EYA3: variants seen among roughly 807,000 people sequenced by gnomAD.
EYA3 encodes the protein protein phosphatase EYA3.
EYA3 carries 39 observed loss-of-function variants against 80.0 expected under a neutral mutation model. The observed-to-expected ratio is 0.49, with a 90% confidence interval of 0.38 to 0.64. The LOEUF (loss-of-function observed/expected upper bound fraction) is 0.64, where lower values mean the gene tolerates loss of function less well. Ranked by LOEUF, EYA3 falls within the 30% of genes least tolerant of loss-of-function variation. The pLI is 0.00. For synonymous variants in EYA3, 206 were observed against 232.8 expected (o/e 0.88, Z 1.05); for missense variants, 523 against 676.1 (o/e 0.77, Z 2.51).
In EYA3 at chr1:28,050,197, TTATTA is replaced by T. The variant is rs1644190023; in HGVS notation, c.34-1776_34-1772del. On this transcript the variant is annotated intron_variant, in intron 2 of 17. Coordinates refer to ENST00000373871, the MANE Select transcript of EYA3 (RefSeq NM_001990.4). The stretch of plus-strand genomic sequence containing the variant: ...TTATTTATTATTATTATTATTATTA[TTATTA>T]TTTTTTTTGAGACAGGGTCTTGTTC... Among the ~76,000 whole-genome samples the T allele has an allele frequency of 2.1e-4, 29 of 140,686 alleles. No individual in the cohort carries two copies. The South Asian group carries it at 5.5e-3, about 27-fold the overall frequency. 92.3% of individuals were successfully genotyped at this position (140,686 alleles called of 152,430 possible). A position where few individuals can be genotyped will look rare whatever the true frequency, so the allele number is the denominator to read the frequency against.
chr1:28,059,587 G>T (rs571767689), intron 1 of EYA3, among the ~76,000 whole-genome samples: 53 of 152,128 alleles, frequency 3.5e-4, no homozygotes, highest in African/African-American at 1.2e-3. Context: ...TTCTTTAAGG[G>T]ACAATCCTTT....
intron 4 of EYA3, among the ~76,000 whole-genome samples, chr1:28,039,308 T>G (rs929207319): frequency 6.6e-6 from 1 of 152,210 alleles, no homozygotes; most frequent in African/African-American, 2.4e-5. Context: ...CTATATTGAG[T>G]AAAAGCCTTA....
chr1:27,974,441 A>G lies in EYA3; in HGVS notation c.*25T>C, dbSNP rs1232679460. On this transcript the variant is annotated 3_prime_UTR_variant, in exon 18 of 18. Coordinates refer to ENST00000373871, the MANE Select transcript of EYA3 (RefSeq NM_001990.4). ...CCCTTCAGGAGTGAAAAGGAGCTCA[A>G]GGGGAAGGCTCCTCATTCCAGTTCT... 1 of 1,595,090 alleles carries G rather than the reference A, an allele frequency of 6.3e-7. No individual in the cohort carries two copies. Among genetic ancestry groups the G allele is most frequent in the African/African-American group, 1.3e-5 (1 of 74,412 alleles).
intron 16 of EYA3, among the ~76,000 whole-genome samples, chr1:27,980,996 T>C (rs529684306): frequency 6.6e-5 from 10 of 152,238 alleles, no homozygotes; most frequent in African/African-American, 2.2e-4. Flanking sequence ...TGGGCTATAA[T>C]CGTGCCACTG....
At chr1:28,069,550 A>T (rs1644948335) in intron 1 of EYA3, among the ~76,000 whole-genome samples, 2 of 62,696 alleles carry the variant, frequency 3.2e-5, no homozygotes, top group South Asian at 4.9e-4. Flanking sequence ...AATCTATTTA[A>T]AAAAAAAAAA....
Position 28,017,724 on chromosome 1 carries a change from C to T in EYA3, c.500-485G>A, listed in dbSNP as rs185558184. On this transcript the variant is annotated intron_variant, in intron 7 of 17. Coordinates refer to ENST00000373871, the MANE Select transcript of EYA3 (RefSeq NM_001990.4). ...AGAAATAGAGCTGGTCCTCCAAATTCCAAAGCATTTAGAATTGCTTCTTGA... is the reference window on the plus strand; with the variant it reads ...AGAAATAGAGCTGGTCCTCCAAATTTCAAAGCATTTAGAATTGCTTCTTGA... Among the ~76,000 whole-genome samples the T allele has an allele frequency of 1.5e-3, 229 of 152,248 alleles. 1 individual carries two copies. The highest frequency in any genetic ancestry group is 2.9e-3 in the Non-Finnish European group (199 of 68,020).
At chr1:28,003,318 A>C (rs1049583110) in intron 11 of EYA3, among the ~76,000 whole-genome samples, 55 of 145,892 alleles carry the variant, frequency 3.8e-4, no homozygotes, top group African/African-American at 8.4e-4. Context: ...ACAACAACAA[A>C]ATTAGCCAGG....
intron 10 of EYA3, among the ~76,000 whole-genome samples, chr1:28,007,610 G>A (rs1169791343): frequency 6.6e-6 from 1 of 152,110 alleles, no homozygotes; most frequent in Non-Finnish European, 1.5e-5. Flanking sequence ...TGGGATTACA[G>A]ACTGAGCCAC....
In EYA3 at chr1:27,970,387, T is replaced by A. The variant is rs1192756583; in HGVS notation, c.*4079A>T. The A allele has an allele frequency of 6.6e-6, 1 of 152,234 alleles. No individual in the cohort carries two copies. Among genetic ancestry groups the A allele is most frequent in the Non-Finnish European group, 1.5e-5 (1 of 68,046 alleles). 9.4% of individuals were successfully genotyped at this position (152,234 alleles called of 1,614,324 possible). ...TATTTTTTTCAAGTTTATAAGATAG[T>A]TCCCATTACATATAACATTACGGTC... On this transcript the variant is annotated 3_prime_UTR_variant, in exon 18 of 18. Coordinates refer to ENST00000373871, the MANE Select transcript of EYA3 (RefSeq NM_001990.4).
chr1:27,988,177 T>G (rs1639796996), intron 16 of EYA3, among the ~76,000 whole-genome samples: 1 of 152,212 alleles, frequency 6.6e-6, no homozygotes, highest in Non-Finnish European at 1.5e-5. Context: ...GCCACCATTT[T>G]TAGGTATATA....
intron 16 of EYA3, among the ~76,000 whole-genome samples, chr1:27,983,691 C>T (rs1185967707): frequency 3.3e-5 from 5 of 152,110 alleles, no homozygotes; most frequent in Non-Finnish European, 7.4e-5. Flanking sequence ...GAGTTTCGCT[C>T]GTTGCCCAGG....
intron 1 of EYA3, among the ~76,000 whole-genome samples, chr1:28,060,459 G>A (rs1429782508): frequency 6.6e-6 from 1 of 152,096 alleles, no homozygotes; most frequent in Non-Finnish European, 1.5e-5. Flanking sequence ...ATCAATAAAT[G>A]TTAAAATATT....
At chr1:28,012,996 C>A (rs1355628472) in intron 9 of EYA3, 115 bp downstream of exon 9, 4 of 1,176,398 alleles carry the variant, frequency 3.4e-6, no homozygotes, top group Non-Finnish European at 4.8e-6. Flanking sequence ...AGAGGGAAAG[C>A]CAAAAGCATG....
Position 27,974,249 on chromosome 1 carries a change from T to G in EYA3, c.*217A>C. ...TGATTGTGTTCTCGCCAGCATTCCA[T>G]GGATAAAGACAGAGAGAGAGAGAGA... On this transcript the variant is annotated 3_prime_UTR_variant, in exon 18 of 18. Coordinates refer to ENST00000373871, the MANE Select transcript of EYA3 (RefSeq NM_001990.4). 1 of 353,436 alleles carries G rather than the reference T, an allele frequency of 2.8e-6. No individual in the cohort carries two copies. Among genetic ancestry groups the G allele is most frequent in the Non-Finnish European group, 5.2e-6 (1 of 191,640 alleles). 21.9% of individuals were successfully genotyped at this position (353,436 alleles called of 1,614,324 possible).
chr1:28,084,248 A>T lies in EYA3; in HGVS notation c.-69+4276T>A, dbSNP rs369261103. 9.9e-5 allele frequency among the ~76,000 whole-genome samples: 15 copies of T among 152,164 alleles called. No individual in the cohort carries two copies. The East Asian group carries it at 1.5e-3, about 16-fold the overall frequency. On this transcript the variant is annotated intron_variant, in intron 1 of 17. Coordinates refer to ENST00000373871, the MANE Select transcript of EYA3 (RefSeq NM_001990.4). ...AAATATACTACTATAAAGAACAGAG[A>T]AAATGCCTAAATTACTTCTACATTT...
intron 2 of EYA3, among the ~76,000 whole-genome samples, chr1:28,054,331 T>G (rs2148891393): frequency 6.6e-6 from 1 of 152,300 alleles, no homozygotes; most frequent in South Asian, 2.1e-4. Context: ...CCACTGCATG[T>G]TAGGTGTGAC....
In EYA3 at chr1:28,046,712, A is replaced by C. The variant is rs12127994; in HGVS notation, c.77+1671T>G. Among the ~76,000 whole-genome samples the C allele has an allele frequency of 9.2e-3, 1,400 of 152,326 alleles. 11 individuals are homozygous for C. The highest frequency in any genetic ancestry group is 0.017 in the African/African-American group (701 of 41,574). The stretch of plus-strand genomic sequence containing the variant: ...TACAAGTGATTGGGAATAAGTACAG[A>C]ATAGGTGGATAGTTGGGTTTAATCA... On this transcript the variant is annotated intron_variant, in intron 3 of 17. Transcript: ENST00000373871.
At chr1:28,051,525 T>C (rs534649840) in intron 2 of EYA3, among the ~76,000 whole-genome samples, 172 of 151,818 alleles carry the variant, frequency 1.1e-3, no homozygotes, top group African/African-American at 4.1e-3. Flanking sequence ...CCATCTCTAC[T>C]AAAATACAAA....
chr1:27,981,186 TCTC>T (rs1305865643), intron 16 of EYA3, among the ~76,000 whole-genome samples: 1 of 152,248 alleles, frequency 6.6e-6, no homozygotes, highest in Non-Finnish European at 1.5e-5. Flanking sequence ...AAGTATTTCT[TCTC>T]CTTGCTCCCA....
Sources: allele counts gnomAD v4.1 joint callset (sites outside exome capture counted in the v4.1 genomes callset), GRCh38; gene constraint gnomAD v4.1.1; transcripts MANE v1.5; gene names NCBI Gene and HGNC (gene_info 2026-07-23, HGNC 2026-07-21).